The following ARHGEF16 variants were observed in gnomAD, a reference collection of about 807,000 sequenced individuals.
The protein encoded by ARHGEF16 is Rho guanine nucleotide exchange factor 16.
In ARHGEF16, 59 loss-of-function variants were observed where a neutral mutation model predicts 74.1. That is an observed-to-expected ratio of 0.80 (90% confidence interval 0.65 to 0.99). The LOEUF (loss-of-function observed/expected upper bound fraction) is 0.99, where lower values mean the gene tolerates loss of function less well. Among genes scored for constraint, ARHGEF16 ranks in the 50% least tolerant of loss-of-function variants. The pLI is 0.00. For missense variants in ARHGEF16, 948 were observed against 986.6 expected, an observed-to-expected ratio of 0.96 and a Z score of 0.52; for synonymous variants, 415 against 412.6, an observed-to-expected ratio of 1.01 and a Z score of -0.07.
At chr1:3,465,661 C>T (rs1569849582) in intron 2 of ARHGEF16, among the ~76,000 whole-genome samples, 1 of 152,186 alleles carries the variant, frequency 6.6e-6, no homozygotes, top group Admixed American at 6.5e-5. Flanking sequence ...GGCTCCGAGT[C>T]GGGCACCTGA....
In ARHGEF16 at chr1:3,476,021, A is replaced by T; in HGVS notation, c.1432A>T (p.Met478Leu). The T allele has an allele frequency of 6.4e-7, 1 of 1,557,574 alleles. No individual in the cohort carries two copies. The highest frequency in any genetic ancestry group is 1.2e-5 in the South Asian group (1 of 84,434). ...CCACAGGATGGAGCGCATGGAGCAGATGTACACGCTGCACACACAGCTGGA... is the reference window on the plus strand; with the variant it reads ...CCACAGGATGGAGCGCATGGAGCAGTTGTACACGCTGCACACACAGCTGGA... ...GAHRMERMEQ[M>L]YTLHTQLDFS... The change falls in exon 10 of 15, where the codon ATG becomes TTG. Residue 478 changes from methionine to leucine, a missense_variant. By Grantham distance (15) the Met-to-Leu change is conservative. Coordinates refer to ENST00000378378, the MANE Select transcript of ARHGEF16 (RefSeq NM_014448.4).
intron 6 of ARHGEF16, among the ~76,000 whole-genome samples, chr1:3,470,614 GGT>G (rs745716336): frequency 4.0e-5 from 6 of 150,460 alleles, no homozygotes; most frequent in African/African-American, 1.5e-4. Flanking sequence ...TGTGTGAGTG[GGT>G]GTGTGTGCGT....
At chr1:3,478,123 C>T in intron 11 of ARHGEF16, 97 bp downstream of exon 11, 3 of 1,529,078 alleles carry the variant, frequency 2.0e-6, no homozygotes, top group Non-Finnish European at 1.8e-6. Context: ...CCCTGAGCCC[C>T]TCTGACCTCA....
Position 3,467,317 on chromosome 1 carries a change from A to G in ARHGEF16, c.784A>G (p.Thr262Ala), listed in dbSNP as rs371036704. ...CAAGAGCTACCGGCCCGCCCAGGTC[A>G]CCTGGAGCCAGCTCCCAGAGGTAGC... Reference protein sequence around the residue: ...VVKSYRPAQVTWSQLPEVVEL... With the variant: ...VVKSYRPAQVAWSQLPEVVEL... Residue 262 changes from threonine to alanine, a missense_variant, in exon 4 of 15, where the codon ACC (threonine) becomes GCC (alanine). By Grantham distance (58) the Thr-to-Ala change is moderately conservative. Transcript: ENST00000378378. The G allele has an allele frequency of 3.5e-4, 549 of 1,549,628 alleles. 1 individual carries two copies. The Middle Eastern group carries it at 4.2e-3, about 12-fold the overall frequency.
chr1:3,463,303 G>A lies in ARHGEF16; in HGVS notation c.219G>A (p.Leu73=). The A allele has an allele frequency of 3.9e-6, 6 of 1,550,180 alleles. No individual in the cohort carries two copies. Among genetic ancestry groups the A allele is most frequent in the Non-Finnish European group, 5.2e-6 (6 of 1,146,876 alleles). Residue 73 remains leucine (L), a synonymous_variant, in exon 2 of 15, where the codon CTG becomes CTA. Transcript: ENST00000378378. ...PGHEEPWPIV[L]STESPAALKL... is the part of the protein sequence containing the mutation. ...ACGAGGAGCCATGGCCCATCGTCCT[G>A]AGCACAGAGAGCCCGGCGGCCCTCA...
intron 1 of ARHGEF16, 99 bp from the exon 2 acceptor site, chr1:3,462,966 TG>T: frequency 1.2e-6 from 1 of 826,012 alleles, no homozygotes; most frequent in Non-Finnish European, 1.8e-6. Flanking sequence ...GGAGCTGTAC[TG>T]GAGCCCCGGC....
In ARHGEF16 at chr1:3,467,455, G is replaced by T. The variant is rs948317931; in HGVS notation, c.804+118G>T. 1.0e-4 allele frequency: 128 copies of T among 1,269,626 alleles called. No individual in the cohort carries two copies. The East Asian group carries it at 2.9e-3, about 29-fold the overall frequency. 78.6% of individuals were successfully genotyped at this position (1,269,626 alleles called of 1,614,324 possible). The stretch of plus-strand genomic sequence containing the variant: ...CCCAGCAGCAGCCCAGTCCTCCCAG[G>T]GAGGGTGGGCAGCCTTCCCAGAAGC... On this transcript the variant is annotated intron_variant, in intron 4 of 14. Coordinates refer to ENST00000378378, the MANE Select transcript of ARHGEF16 (RefSeq NM_014448.4).
At chr1:3,472,568 G>C (rs1469358917) in intron 6 of ARHGEF16, among the ~76,000 whole-genome samples, 1 of 152,256 alleles carries the variant, frequency 6.6e-6, no homozygotes. Flanking sequence ...CCTTGGAAGG[G>C]GTGGCCCCAG....
chr1:3,467,357 G>A lies in ARHGEF16; in HGVS notation c.804+20G>A. On this transcript the variant is annotated intron_variant, in intron 4 of 14. Coordinates refer to ENST00000378378, the MANE Select transcript of ARHGEF16 (RefSeq NM_014448.4). ...CCAGAGGTAGCGCCGGAGGGTGGGT[G>A]AGGCTGCCCCACAGAGGCAGGGAGA... 1.3e-6 allele frequency: 2 copies of A among 1,540,872 alleles called. No homozygotes were observed. The highest frequency in any genetic ancestry group is 1.8e-6 in the Non-Finnish European group (2 of 1,141,018).
rs1403198092 is a variant in ARHGEF16, at chr1:3,463,054, C to T, written c.-19-12C>T. 3 of 1,438,750 alleles carry T rather than the reference C, an allele frequency of 2.1e-6. No homozygotes were observed. Among genetic ancestry groups the T allele is most frequent in the Non-Finnish European group, 2.8e-6 (3 of 1,090,306 alleles). 89.1% of individuals were successfully genotyped at this position (1,438,750 alleles called of 1,614,324 possible). A position where few individuals can be genotyped will look rare whatever the true frequency, so the allele number is the denominator to read the frequency against. On this transcript the variant is annotated splice_polypyrimidine_tract_variant and intron_variant, in intron 1 of 14. Coordinates refer to ENST00000378378, the MANE Select transcript of ARHGEF16 (RefSeq NM_014448.4). ...GCAGCCTCACGAGACCTCACTTCTG[C>T]CCTTCCCCCAGGACCCCACAGCCGC...
Position 3,459,068 on chromosome 1 carries a change from C to T in ARHGEF16, c.-19-3998C>T, listed in dbSNP as rs180723074. ...GTGGAAGAAATAATATGAAAATCTGCGCAGCCCTAGACAAGAGTGACCGCC... is the reference window on the plus strand; with the variant it reads ...GTGGAAGAAATAATATGAAAATCTGTGCAGCCCTAGACAAGAGTGACCGCC... On this transcript the variant is annotated intron_variant, in intron 1 of 14. Transcript: ENST00000378378. 7.2e-5 allele frequency among the ~76,000 whole-genome samples: 11 copies of T among 152,328 alleles called. No individual in the cohort carries two copies. In the East Asian group the frequency reaches 7.7e-4, roughly 11 times the overall value.
At chr1:3,479,360 G>A (rs1196297850) in intron 12 of ARHGEF16, among the ~76,000 whole-genome samples, 157 bp from the exon 13 acceptor site, 2 of 152,046 alleles carry the variant, frequency 1.3e-5, no homozygotes, top group Non-Finnish European at 2.9e-5. Flanking sequence ...TGACTTGGGG[G>A]TTAGCCTGCC....
chr1:3,478,994 G>C (rs2100762453), intron 12 of ARHGEF16, among the ~76,000 whole-genome samples: 1 of 152,348 alleles, frequency 6.6e-6, no homozygotes, highest in East Asian at 1.9e-4. Context: ...CGAGGGCACA[G>C]CTGCAGGTGG....
chr1:3,479,572 G>A lies in ARHGEF16; in HGVS notation c.1870G>A (p.Gly624Ser). 2 of 1,612,244 alleles carry A rather than the reference G, an allele frequency of 1.2e-6. No individual in the cohort carries two copies. The highest frequency in any genetic ancestry group is 1.7e-6 in the Non-Finnish European group (2 of 1,179,752). ...ALTHSERQWQ[G>S]LSSKGDLPQV... ...CACACACAGTGAGAGACAGTGGCAG[G>A]GCCTCTCCAGCAAAGGAGGTGAGTG... The change falls in exon 13 of 15, where the codon GGC becomes AGC. Residue 624 changes from glycine (G) to serine (S), a missense_variant. Gly to Ser is a moderately conservative substitution (Grantham distance 56). Transcript: ENST00000378378.
chr1:3,464,549 C>T (rs951857204), intron 2 of ARHGEF16, among the ~76,000 whole-genome samples: 1 of 152,194 alleles, frequency 6.6e-6, no homozygotes, highest in East Asian at 1.9e-4. Flanking sequence ...GCAGCCCGAG[C>T]ACCCTCAAGA....
At chr1:3,477,535 T>C (rs1344063233) in intron 10 of ARHGEF16, among the ~76,000 whole-genome samples, 1 of 150,534 alleles carries the variant, frequency 6.6e-6, no homozygotes, top group Non-Finnish European at 1.5e-5. Flanking sequence ...AGGCCCAGCG[T>C]CTGCGTAATT....
chr1:3,469,491 TGGA>T lies in ARHGEF16; in HGVS notation c.925_927del (p.Glu309del), dbSNP rs753239530. On this transcript the variant is annotated inframe_deletion, in exon 6 of 15. Transcript: ENST00000378378. ...TACCAGCACAGCCTGAGCATCCTGGTGGAGGAGTTCCTGCAGTCCAAGGAGCTG... is the reference window on the plus strand; with the variant it reads ...TACCAGCACAGCCTGAGCATCCTGGTGGAGTTCCTGCAGTCCAAGGAGCTG... 8 of 1,613,196 alleles carry T rather than the reference TGGA, an allele frequency of 5.0e-6. No homozygotes were observed. The highest frequency in any genetic ancestry group is 6.8e-6 in the Non-Finnish European group (8 of 1,179,988).
rs773464400 is a variant in ARHGEF16 at position 3,473,211 on chromosome 1, C to T, written c.1156C>T (p.Arg386Cys). 8 of 1,613,170 alleles carry T rather than the reference C, an allele frequency of 5.0e-6. No individual in the cohort carries two copies. Among genetic ancestry groups the T allele is most frequent in the South Asian group, 3.3e-5 (3 of 91,084 alleles). ...AYCSNEVYQQ[R>C]TLQKLISSNA... ...CTGCTCCAACGAGGTCTACCAACAG[C>T]GCACGCTGCAGAAGCTGATGTGAGT... Residue 386 changes from arginine to cysteine, a missense_variant, in exon 7 of 15, where the codon CGC (arginine) becomes TGC (cysteine). Arg to Cys is a radical substitution (Grantham distance 180, BLOSUM62 -3). Transcript: ENST00000378378.
intron 9 of ARHGEF16, 65 bp from the exon 10 acceptor site, chr1:3,475,905 G>A: frequency 6.8e-7 from 1 of 1,470,010 alleles, no homozygotes; most frequent in Non-Finnish European, 9.2e-7. Context: ...GGCACACTGT[G>A]GGCCGTGTGG....
Sources: allele counts gnomAD v4.1 joint callset (sites outside exome capture counted in the v4.1 genomes callset), GRCh38; gene constraint gnomAD v4.1.1; transcripts MANE v1.5; gene names NCBI Gene and HGNC (gene_info 2026-07-23, HGNC 2026-07-21).